The following EPHA6 variants were observed in gnomAD, a reference collection of about 807,000 sequenced individuals.
The protein encoded by EPHA6 is ephrin type-A receptor 6.
A neutral mutation model predicts 112.0 loss-of-function variants in EPHA6; 50 were observed. The observed-to-expected ratio is 0.45, with a 90% CI of 0.36 to 0.56. EPHA6 has a LOEUF of 0.56. Among genes scored for constraint, EPHA6 ranks in the 20% least tolerant of loss-of-function variants. The pLI is 0.00. For synonymous variants in EPHA6, 529 were observed against 490.7 expected (o/e 1.08, Z -1.03); for missense variants, 1,280 against 1,417.4 (o/e 0.90, Z 1.56).
At chr3:97,537,767 C>G (rs560702222) in intron 11 of EPHA6, among the ~76,000 whole-genome samples, 1 of 152,078 alleles carries the variant, frequency 6.6e-6, no homozygotes, top group African/African-American at 2.4e-5. Flanking sequence ...TTAGTAGAGA[C>G]AGGGTTTCAC....
chr3:97,702,711 G>A (rs1221485811), intron 14 of EPHA6, among the ~76,000 whole-genome samples: 1 of 152,096 alleles, frequency 6.6e-6, no homozygotes, highest in Non-Finnish European at 1.5e-5. Context: ...TTAGCAGGTA[G>A]CATGTAGGTC....
chr3:96,827,636 C>T (rs1486417447), intron 1 of EPHA6, among the ~76,000 whole-genome samples: 5 of 151,906 alleles, frequency 3.3e-5, no homozygotes, highest in African/African-American at 1.2e-4. Context: ...AAATTCAAGA[C>T]AAATGACAAG....
chr3:96,930,721 G>T lies in EPHA6; in HGVS notation c.451-56609G>T, dbSNP rs150080926. The stretch of plus-strand genomic sequence containing the variant: ...AAAATAAGCTGTCTAGCTGGGCCTG[G>T]TGGCTCATGCCTGTAATCCCGGAAC... On this transcript the variant is annotated intron_variant, in intron 2 of 17. Transcript: ENST00000389672. Among the ~76,000 whole-genome samples the T allele has an allele frequency of 6.4e-3, 970 of 152,154 alleles. 6 individuals carry two copies. Among genetic ancestry groups the T allele is most frequent in the African/African-American group, 0.021 (877 of 41,528 alleles).
chr3:96,866,116 C>T lies in EPHA6; in HGVS notation c.386-709C>T, dbSNP rs192890056. 8.3e-4 allele frequency among the ~76,000 whole-genome samples: 127 copies of T among 152,182 alleles called. 1 individual carries two copies. Among genetic ancestry groups the T allele is most frequent in the African/African-American group, 2.9e-3 (121 of 41,546 alleles). The stretch of plus-strand genomic sequence containing the variant: ...TTGGATCCCGTTTGTGAAGTTCTCC[C>T]AGAACTGCCAACCCAACTTTAGCTT... On this transcript the variant is annotated intron_variant, in intron 1 of 17. Coordinates refer to ENST00000389672, the MANE Select transcript of EPHA6 (RefSeq NM_001080448.3).
At chr3:97,046,901 A>T (rs966893976) in intron 3 of EPHA6, among the ~76,000 whole-genome samples, 1 of 152,154 alleles carries the variant, frequency 6.6e-6, no homozygotes, top group Non-Finnish European at 1.5e-5. Context: ...AAAATGGATG[A>T]ATGTATATCA....
At chr3:97,285,154 TTGA>T (rs1448873246) in intron 5 of EPHA6, among the ~76,000 whole-genome samples, 7 of 152,096 alleles carry the variant, frequency 4.6e-5, no homozygotes, top group Non-Finnish European at 8.8e-5. Flanking sequence ...TTAAGAGCCA[TTGA>T]TGATGATTAA....
At chr3:97,649,620 A>G (rs919293498) in intron 14 of EPHA6, among the ~76,000 whole-genome samples, 1 of 152,114 alleles carries the variant, frequency 6.6e-6, no homozygotes, top group Admixed American at 6.6e-5. Flanking sequence ...GTGAAGATTT[A>G]AATAACTTAT....
chr3:97,625,888 C>A (rs779592184), intron 13 of EPHA6, among the ~76,000 whole-genome samples: 3 of 151,546 alleles, frequency 2.0e-5, no homozygotes, highest in Middle Eastern at 3.4e-3. Context: ...GAGTAGAAGC[C>A]GCCACATCTC....
At chr3:97,260,286 G>C (rs2108617504) in intron 5 of EPHA6, among the ~76,000 whole-genome samples, 1 of 152,258 alleles carries the variant, frequency 6.6e-6, no homozygotes, top group East Asian at 1.9e-4. Flanking sequence ...GCCAGGCAGG[G>C]AGAACAAATT....
chr3:97,422,137 C>CAAAAAAAAAAAAAAA (rs34312259), intron 6 of EPHA6, among the ~76,000 whole-genome samples: 1 of 103,432 alleles, frequency 9.7e-6, no homozygotes, highest in Non-Finnish European at 2.1e-5. Flanking sequence ...AATAGTCTCT[C>CAAAAAAAAAAAAAAA]AAAAAAAAAA....
intron 2 of EPHA6, among the ~76,000 whole-genome samples, chr3:96,983,244 C>A (rs1257466342): frequency 6.6e-6 from 1 of 152,132 alleles, no homozygotes; most frequent in Non-Finnish European, 1.5e-5. Flanking sequence ...GTAGGGCAGG[C>A]CTGCTGGTGA....
At chr3:97,530,462 T>C (rs142149722) in intron 10 of EPHA6, among the ~76,000 whole-genome samples, 1 of 152,078 alleles carries the variant, frequency 6.6e-6, no homozygotes, top group African/African-American at 2.4e-5. Context: ...TCAGTTTGCA[T>C]TGGTCACCAA....
chr3:97,646,565 A>T (rs558278479), intron 14 of EPHA6, among the ~76,000 whole-genome samples: 1 of 152,138 alleles, frequency 6.6e-6, no homozygotes. Context: ...TGGAGGGCCA[A>T]TTGTGAAACA....
intron 3 of EPHA6, among the ~76,000 whole-genome samples, chr3:97,222,043 C>A (rs1389184040): frequency 2.5e-4 from 37 of 147,090 alleles, no homozygotes; most frequent in Admixed American, 3.4e-4. Context: ...AAAAAAAAAA[C>A]CAACCAACAA....
At chr3:97,363,993 C>T (rs565457930) in intron 5 of EPHA6, among the ~76,000 whole-genome samples, 15 of 150,984 alleles carry the variant, frequency 9.9e-5, no homozygotes, top group Admixed American at 4.6e-4. Flanking sequence ...TGGTTTGCAA[C>T]GGCTGGGAGA....
At chr3:97,719,100 AC>A (rs1292008850) in intron 14 of EPHA6, among the ~76,000 whole-genome samples, 8 of 16,300 alleles carry the variant, frequency 4.9e-4, no homozygotes, top group South Asian at 7.2e-3. Flanking sequence ...CCCCCCCCCC[AC>A]CCCCCCCGCC....
At chr3:97,577,265 A>G (rs1190292291) in intron 11 of EPHA6, among the ~76,000 whole-genome samples, 1 of 152,234 alleles carries the variant, frequency 6.6e-6, no homozygotes, top group Admixed American at 6.5e-5. Context: ...ATAAAATTGC[A>G]AAGGAAGAAA....
chr3:97,453,608 C>T (rs1241157536), intron 7 of EPHA6, among the ~76,000 whole-genome samples: 1 of 151,516 alleles, frequency 6.6e-6, no homozygotes, highest in Admixed American at 6.6e-5. Flanking sequence ...CTGTAAATAA[C>T]TACATTATAG....
At chr3:97,482,906 C>CGATAGAAA (rs2091595413) in intron 9 of EPHA6, among the ~76,000 whole-genome samples, 2 of 151,850 alleles carry the variant, frequency 1.3e-5, no homozygotes, top group Non-Finnish European at 1.5e-5. Context: ...ATATTCGGAA[C>CGATAGAAA]GATAGAAAGA....
Sources: allele counts gnomAD v4.1 joint callset (sites outside exome capture counted in the v4.1 genomes callset), GRCh38; gene constraint gnomAD v4.1.1; transcripts MANE v1.5; gene names NCBI Gene and HGNC (gene_info 2026-07-23, HGNC 2026-07-21).